Variants in KCTD15 observed in about 807,000 individuals in gnomAD.
KCTD15 encodes the protein potassium channel tetramerization domain containing 15.
Under a neutral mutation model 27.2 loss-of-function variants are expected in KCTD15, and 11 were observed. That is an observed-to-expected ratio of 0.41 (90% CI 0.25 to 0.67). KCTD15 has a LOEUF of 0.67. Among genes scored for constraint, KCTD15 ranks in the 30% least tolerant of loss-of-function variants. The pLI is 0.35. For synonymous variants in KCTD15, 163 were observed against 176.0 expected, an observed-to-expected ratio of 0.93 and a Z score of 0.58; for missense variants, 350 against 409.3, an observed-to-expected ratio of 0.86 and a Z score of 1.25.
intron 4 of KCTD15, among the ~76,000 whole-genome samples, chr19:33,803,301 C>T (rs1568378321): frequency 6.6e-6 from 1 of 152,200 alleles, no homozygotes; most frequent in Non-Finnish European, 1.5e-5. Context: ...GGCAAGAGCC[C>T]CTCAGATCTC....
At chr19:33,807,742 G>A (rs1292980626) in intron 5 of KCTD15, among the ~76,000 whole-genome samples, 1 of 151,950 alleles carries the variant, frequency 6.6e-6, no homozygotes. Flanking sequence ...GAAAAGGACG[G>A]CTGTAATTAG....
chr19:33,810,041 G>A (rs984572000), intron 5 of KCTD15, among the ~76,000 whole-genome samples: 1 of 152,204 alleles, frequency 6.6e-6, no homozygotes, highest in African/African-American at 2.4e-5. Flanking sequence ...GCGGCCAGCA[G>A]GTGGAAGGGA....
intron 5 of KCTD15, among the ~76,000 whole-genome samples, chr19:33,809,372 G>A (rs944024809): frequency 7.2e-5 from 11 of 152,178 alleles, no homozygotes; most frequent in African/African-American, 2.4e-4. Context: ...GCAAAAGCAC[G>A]TGGCTGTGGT....
rs943426036 is a variant in KCTD15 at position 33,811,945 on chromosome 19, C to A, written c.693+393C>A. 3 of 1,531,090 alleles carry A rather than the reference C, an allele frequency of 2.0e-6. No individual in the cohort carries two copies. The African/African-American group carries it at 4.2e-5, about 21-fold the overall frequency. The allele number at this position is 1,531,090 out of a possible 1,614,324, so 94.8% of individuals were successfully genotyped here. ...GTCTGGAGCCCCTTCCCTCTCCCTG[C>A]TGACCTGGGAGTCGCAGGCACCCAC... is the stretch of plus-strand genomic sequence containing the variant. On this transcript the variant is annotated intron_variant, in intron 6 of 6. Coordinates refer to ENST00000683859, the MANE Select transcript of KCTD15 (RefSeq NM_001129994.2).
chr19:33,802,069 G>A (rs1324053884), intron 4 of KCTD15, among the ~76,000 whole-genome samples: 1 of 152,176 alleles, frequency 6.6e-6, no homozygotes, highest in Non-Finnish European at 1.5e-5. Flanking sequence ...GGTGCTGGGT[G>A]CTGCCAGCTC....
At chr19:33,804,531 C>G (rs1481202917) in intron 4 of KCTD15, among the ~76,000 whole-genome samples, 1 of 152,116 alleles carries the variant, frequency 6.6e-6, no homozygotes, top group Non-Finnish European at 1.5e-5. Flanking sequence ...TTTGGATCTG[C>G]TGACTCACCT....
In KCTD15 at chr19:33,797,279, TGTGTGCGCGCGC is replaced by T. The variant is rs1486352652; in HGVS notation, c.-127+294_-127+305del. The T allele has an allele frequency of 2.3e-4, 56 of 247,328 alleles. 4 individuals carry two copies. The highest frequency in any genetic ancestry group is 1.2e-3 in the Middle Eastern group (1 of 808). 15.3% of individuals were successfully genotyped at this position (247,328 alleles called of 1,614,324 possible). On this transcript the variant is annotated intron_variant, in intron 1 of 6. Transcript: ENST00000683859. Reference sequence around the variant, plus strand: ...GTGTGTGTGTGTGTGTGTGTGTGTGTGTGTGCGCGCGCGCGCGCGCGCGCTTGTGGAGGTCCC... The same window carrying T: ...GTGTGTGTGTGTGTGTGTGTGTGTGTGCGCGCGCGCGCTTGTGGAGGTCCC...
In KCTD15 at chr19:33,813,418, C is replaced by T. The variant is rs560088861; in HGVS notation, c.*470C>T. ...CAAAAGTCAGAGAGGCTGACAAGGA[C>T]CAATGCTTCTTTATCTGGTGCTCAG... On this transcript the variant is annotated 3_prime_UTR_variant, in exon 7 of 7. Transcript: ENST00000683859. 2.4e-4 allele frequency: 112 copies of T among 458,520 alleles called. 2 individuals are homozygous for T. The East Asian group carries it at 7.7e-3, about 31-fold the overall frequency. The allele number at this position is 458,520 out of a possible 1,614,324, so 28.4% of individuals were successfully genotyped here. A position where few individuals can be genotyped will look rare whatever the true frequency, so the allele number is the denominator to read the frequency against.
In KCTD15 at chr19:33,814,266, A is replaced by C. The variant is rs1315011174; in HGVS notation, c.*1318A>C. ...AAAGACTGGAGGCTCTGTCCTGTGC[A>C]GAAGCAGCAGCCAGACTCCCGCATT... On this transcript the variant is annotated 3_prime_UTR_variant, in exon 7 of 7. Transcript: ENST00000683859. The C allele has an allele frequency of 2.0e-5, 3 of 152,638 alleles. No individual in the cohort carries two copies. Among genetic ancestry groups the C allele is most frequent in the African/African-American group, 4.8e-5 (2 of 41,448 alleles). 9.5% of individuals were successfully genotyped at this position (152,638 alleles called of 1,614,324 possible). A position where few individuals can be genotyped will look rare whatever the true frequency, so the allele number is the denominator to read the frequency against.
intron 5 of KCTD15, among the ~76,000 whole-genome samples, chr19:33,808,045 C>G (rs1169890629): frequency 6.6e-6 from 1 of 152,248 alleles, no homozygotes; most frequent in Non-Finnish European, 1.5e-5. Flanking sequence ...ACCCCCAGGT[C>G]TCCGGGTGAG....
At chr19:33,797,277 T>TGC (rs1975358683) in intron 1 of KCTD15, 5 of 232,820 alleles carry the variant, frequency 2.1e-5, no homozygotes, top group Non-Finnish European at 4.3e-5. Flanking sequence ...TGTGTGTGTG[T>TGC]GTGTGTGCGC....
chr19:33,796,706 A>AGGC (rs1000701732), upstream of KCTD15: 13 of 137,648 alleles, frequency 9.4e-5, no homozygotes, highest in South Asian at 8.5e-4. Flanking sequence ...CGCGAGGAGG[A>AGGC]GGCGGCGGCG....
chr19:33,796,854 G>A (rs996065110), upstream of KCTD15: 7 of 150,644 alleles, frequency 4.6e-5, no homozygotes, highest in Non-Finnish European at 5.9e-5. Flanking sequence ...TTGGGGGCGA[G>A]AGAGAAAGTA....
rs902730306 is a variant in KCTD15, at chr19:33,813,628, C to G, written c.*680C>G. On this transcript the variant is annotated 3_prime_UTR_variant, in exon 7 of 7. Transcript: ENST00000683859. ...TAACCACCTGAGACCTTCACGTTTG[C>G]TGCCGTTGGGGGCTCAGGCTGCACT... 9.1e-6 allele frequency: 3 copies of G among 329,336 alleles called. No homozygotes were observed. Among genetic ancestry groups the G allele is most frequent in the South Asian group, 6.8e-5 (3 of 44,004 alleles). 20.4% of individuals were successfully genotyped at this position (329,336 alleles called of 1,614,324 possible).
chr19:33,810,928 C>T (rs1975879787), intron 5 of KCTD15, among the ~76,000 whole-genome samples: 1 of 152,020 alleles, frequency 6.6e-6, no homozygotes, highest in African/African-American at 2.4e-5. Flanking sequence ...GGCACAGCCT[C>T]GTCCTTTAGT....
chr19:33,811,197 A>AGC, intron 5 of KCTD15, 50 bp from the exon 6 acceptor site: 1 of 181,212 alleles, frequency 5.5e-6, no homozygotes, highest in Non-Finnish European at 9.6e-6. Context: ...CCCTTCCCCC[A>AGC]CCACCCCTAC....
At chr19:33,805,153 C>T (rs1975673843) in intron 4 of KCTD15, among the ~76,000 whole-genome samples, 1 of 152,148 alleles carries the variant, frequency 6.6e-6, no homozygotes, top group Non-Finnish European at 1.5e-5. Context: ...GAACCCCTGG[C>T]CTCAAGCAGT....
Position 33,812,909 on chromosome 19 carries a change from C to A in KCTD15, c.813C>A (p.Thr271=). ...GGGAGGAGCGGCGGCCGCAGCCCACCCCCACTGCTGTTCGAATCAAGCAGG... is the reference window on the plus strand; with the variant it reads ...GGGAGGAGCGGCGGCCGCAGCCCACACCCACTGCTGTTCGAATCAAGCAGG... ...LCREERRPQP[T]PTAVRIKQEP... is the part of the protein sequence containing the mutation. The change falls in exon 7 of 7, where the codon ACC becomes ACA. Residue 271 remains threonine, a synonymous_variant. Coordinates refer to ENST00000683859, the MANE Select transcript of KCTD15 (RefSeq NM_001129994.2). The A allele has an allele frequency of 1.3e-6, 2 of 1,549,862 alleles. No homozygotes were observed. The highest frequency in any genetic ancestry group is 1.7e-6 in the Non-Finnish European group (2 of 1,146,686).
chr19:33,795,269 G>A (rs978400222), upstream of KCTD15, among the ~76,000 whole-genome samples: 4 of 152,164 alleles, frequency 2.6e-5, no homozygotes, highest in Non-Finnish European at 4.4e-5. Flanking sequence ...CTTCCCTTAG[G>A]AGGAAAGTTT....
Sources: gnomAD v4.1 joint callset for allele counts (sites outside exome capture counted in the v4.1 genomes callset) on GRCh38, gnomAD v4.1.1 for gene constraint, MANE v1.5 for transcripts, NCBI Gene and HGNC (gene_info 2026-07-23, HGNC 2026-07-21) for gene names.